Variants in NAV1 observed in about 807,000 individuals in gnomAD.
NAV1 encodes pore membrane and/or filament interacting like protein 3.
Under a neutral mutation model 175.2 loss-of-function variants are expected in NAV1, and 18 were observed. The observed-to-expected ratio is 0.10, with a 90% CI of 0.07 to 0.15. The LOEUF (loss-of-function observed/expected upper bound fraction) is 0.15, where lower values mean the gene tolerates loss of function less well. Ranked by LOEUF, NAV1 falls within the 10% of genes least tolerant of loss-of-function variation. The pLI is 1.00. For missense variants in NAV1, 1,731 were observed against 2,436.6 expected (o/e 0.71, Z 6.10); for synonymous variants, 897 against 978.7 (o/e 0.92, Z 1.56).
intron 1 of NAV1, among the ~76,000 whole-genome samples, chr1:201,663,572 T>C (rs1382919690): frequency 6.6e-6 from 1 of 152,218 alleles, no homozygotes; most frequent in East Asian, 1.9e-4. Context: ...TGGTCCTCCA[T>C]GCTTCCTCCC....
chr1:201,785,826 T>C (rs1377146718), intron 8 of NAV1, among the ~76,000 whole-genome samples: 3 of 127,914 alleles, frequency 2.3e-5, no homozygotes, highest in African/African-American at 8.9e-5. Context: ...GGAGTCTCGC[T>C]CTGTCACCCA....
At chr1:201,605,891 C>A (rs1265858063) in intron 2 of NAV1, among the ~76,000 whole-genome samples, 2 of 152,170 alleles carry the variant, frequency 1.3e-5, no homozygotes, top group Admixed American at 6.5e-5. Context: ...CCTGCTCTGT[C>A]CATCTCCAGG....
intron 1 of NAV1, among the ~76,000 whole-genome samples, chr1:201,702,672 T>TTCTCTC (rs756726434): frequency 1.7e-3 from 3 of 1,716 alleles, no homozygotes; most frequent in African/African-American, 2.3e-3. Flanking sequence ...GGTATGTGAA[T>TTCTCTC]TCTCTCTCTC....
chr1:201,786,465 G>C, exon 9 of NAV1: 2 of 1,613,884 alleles, frequency 1.2e-6, no homozygotes, highest in Non-Finnish European at 1.7e-6. Context: ...CCAAGGAGAG[G>C]CGACATTCCC....
intron 1 of NAV1, among the ~76,000 whole-genome samples, chr1:201,701,476 C>T (rs1477352491): frequency 6.6e-6 from 1 of 152,032 alleles, no homozygotes; most frequent in East Asian, 1.9e-4. Context: ...ACTCCAGTGG[C>T]TCTAAGAGTG....
chr1:201,639,562 G>A (rs957130105), intron 2 of NAV1, among the ~76,000 whole-genome samples: 1 of 152,154 alleles, frequency 6.6e-6, no homozygotes, highest in Non-Finnish European at 1.5e-5. Context: ...GCCCTGAGAA[G>A]AAGAAGCCCA....
chr1:201,561,814 G>C (rs1285636819), intron 1 of NAV1, among the ~76,000 whole-genome samples: 1 of 152,142 alleles, frequency 6.6e-6, no homozygotes, highest in African/African-American at 2.4e-5. Context: ...ATCAGCCTGG[G>C]AACTCCCTGC....
rs1672217697 is a variant in NAV1, at chr1:201,718,213, G to GT, written c.861-176dup. On this transcript the variant is annotated intron_variant, in intron 2 of 29. Transcript: ENST00000367296. This position sits in a 1 kb window ranked among gnomAD's most constrained non-coding sequence, Gnocchi z 4.8. The stretch of plus-strand genomic sequence containing the variant: ...TCATTTCCTTTGTCAAACAGATAAC[G>GT]TATCACAAAGGTAACACACAACCAG... Among the ~76,000 whole-genome samples, 1 of 152,126 alleles carries GT rather than the reference G, an allele frequency of 6.6e-6. No individual in the cohort carries two copies. Among genetic ancestry groups the GT allele is most frequent in the Admixed American group, 6.5e-5 (1 of 15,276 alleles).
chr1:201,808,837 C>T lies in NAV1; in HGVS notation c.4173C>T (p.Leu1391=), dbSNP rs760884945. Residue 1391 remains leucine, a synonymous_variant, in exon 20 of 30, where the codon CTC becomes CTT. Transcript: ENST00000367296. The surrounding 1 kb of genome is among the most constrained non-coding windows in gnomAD (Gnocchi z 5.5). Reference sequence around the variant, plus strand: ...CACGCCGCTCCCTAGGCCTGGCACTCACCCATTCCTTCGGCCCCAGTCTTG... The same window carrying T: ...CACGCCGCTCCCTAGGCCTGGCACTTACCCATTCCTTCGGCCCCAGTCTTG... The T allele has an allele frequency of 6.2e-7, 1 of 1,613,338 alleles. No homozygotes were observed. Among genetic ancestry groups the T allele is most frequent in the Non-Finnish European group, 8.5e-7 (1 of 1,179,702 alleles).
intron 1 of NAV1, among the ~76,000 whole-genome samples, chr1:201,571,762 A>T (rs1666551076): frequency 6.6e-6 from 1 of 152,218 alleles, no homozygotes; most frequent in Admixed American, 6.5e-5. Flanking sequence ...TCCCATTATT[A>T]AAGTGGGATT....
chr1:201,777,441 T>C (rs1032510267), intron 3 of NAV1, among the ~76,000 whole-genome samples: 4 of 152,190 alleles, frequency 2.6e-5, no homozygotes, highest in African/African-American at 4.8e-5. Flanking sequence ...TGGATCCTTA[T>C]TAGAGCATGT....
At position 201,780,410 on chromosome 1, in the gene NAV1, C is replaced by T. The variant is rs761653385; in HGVS notation, c.1227-11C>T. On this transcript the variant is annotated splice_polypyrimidine_tract_variant and intron_variant, in intron 3 of 29. Coordinates refer to ENST00000367296, the Ensembl canonical transcript of NAV1. ...TTTTAACGATTGACCTTCATCTCTC[C>T]TGTCCTGTAGCTGGGATGAAAGCAG... The T allele has an allele frequency of 3.7e-6, 6 of 1,614,166 alleles. No individual in the cohort carries two copies. The East Asian group carries it at 6.7e-5, about 18-fold the overall frequency.
Position 201,788,703 on chromosome 1 carries a change from C to T in NAV1, c.3166+65C>T. 6.8e-7 allele frequency: 1 copy of T among 1,478,992 alleles called. No homozygotes were observed. The highest frequency in any genetic ancestry group is 2.3e-5 in the East Asian group (1 of 43,568). 91.6% of individuals were successfully genotyped at this position (1,478,992 alleles called of 1,614,324 possible). On this transcript the variant is annotated intron_variant, in intron 10 of 29. Coordinates refer to ENST00000367296, the Ensembl canonical transcript of NAV1. The surrounding 1 kb of genome is among the most constrained non-coding windows in gnomAD (Gnocchi z 5.7). ...TCTGCTGGGTCCCCTCACCCACCAC[C>T]TCCACTCCCACCACTCCTACCACCA...
intron 4 of NAV1, among the ~76,000 whole-genome samples, 189 bp downstream of exon 8, chr1:201,780,748 T>G (rs1340651398): frequency 3.6e-5 from 5 of 138,396 alleles, no homozygotes; most frequent in Non-Finnish European, 6.0e-5. Context: ...ACCCAAGACA[T>G]TAGATGTTGT....
chr1:201,640,819 G>C (rs1321927113), intron 2 of NAV1, among the ~76,000 whole-genome samples: 1 of 152,190 alleles, frequency 6.6e-6, no homozygotes, highest in Non-Finnish European at 1.5e-5. Context: ...TCCGAGTCAC[G>C]CATTCATTCA....
intron 1 of NAV1, among the ~76,000 whole-genome samples, chr1:201,688,865 T>C (rs748114869): frequency 2.6e-5 from 4 of 152,184 alleles, no homozygotes; most frequent in Non-Finnish European, 5.9e-5. Flanking sequence ...TCTGTCTCTA[T>C]TGAAAAGGAG....
chr1:201,568,929 A>AGGAAGGTCAGACTG (rs755369561), intron 1 of NAV1, among the ~76,000 whole-genome samples: 4 of 152,022 alleles, frequency 2.6e-5, no homozygotes, highest in African/African-American at 9.7e-5. Context: ...GGTCCTAGGG[A>AGGAAGGTCAGACTG]GGAAGGTCAG....
upstream of NAV1, among the ~76,000 whole-genome samples, chr1:201,618,365 G>A (rs916761744): frequency 7.2e-5 from 11 of 152,196 alleles, no homozygotes; most frequent in Admixed American, 3.3e-4. Flanking sequence ...GGCAAACAGC[G>A]TATGAGGTGG....
Position 201,690,466 on chromosome 1 carries a change from G to A in NAV1, c.758-22351G>A, listed in dbSNP as rs544846486. The stretch of plus-strand genomic sequence containing the variant: ...TGTCTATTTCCTCTCTGGCCTGTCC[G>A]TGGCAGAGTATGTCTATTTCCTCTC... On this transcript the variant is annotated intron_variant, in intron 1 of 29. Transcript: ENST00000367296. Among the ~76,000 whole-genome samples the A allele has an allele frequency of 4.6e-3, 602 of 131,920 alleles. 3 individuals carry two copies. Among genetic ancestry groups the A allele is most frequent in the African/African-American group, 0.017 (569 of 34,094 alleles). 86.5% of individuals were successfully genotyped at this position (131,920 alleles called of 152,430 possible). A position where few individuals can be genotyped will look rare whatever the true frequency, so the allele number is the denominator to read the frequency against.
Sources: gnomAD v4.1 joint callset for allele counts (sites outside exome capture counted in the v4.1 genomes callset) on GRCh38, gnomAD v4.1.1 for gene constraint, Gnocchi (gnomAD v3.1) non-coding constraint, MANE v1.5 for transcripts, NCBI Gene and HGNC (gene_info 2026-07-23, HGNC 2026-07-21) for gene names.